GGT1: variants seen among roughly 807,000 people sequenced by gnomAD.
GGT1 encodes the protein glutathione hydrolase 1 proenzyme.
Under a neutral mutation model 56.0 loss-of-function variants are expected in GGT1, and 21 were observed. The observed-to-expected ratio is 0.38, with a 90% CI of 0.27 to 0.54. The LOEUF is 0.54. GGT1 is among the 20% of genes least tolerant of loss of function. The pLI is 0.82. For synonymous variants in GGT1, 238 were observed against 342.6 expected, an observed-to-expected ratio of 0.69 and a Z score of 3.37; for missense variants, 466 against 787.0, an observed-to-expected ratio of 0.59 and a Z score of 4.88.
chr22:24,625,368 G>A (rs2047682954), intron 11 of GGT1, among the ~76,000 whole-genome samples: 1 of 152,072 alleles, frequency 6.6e-6, no homozygotes, highest in South Asian at 2.1e-4. Flanking sequence ...CAACCTCCAG[G>A]GCTCAAGCAA....
At chr22:24,587,683 G>A in the GGT1 span, among the ~76,000 whole-genome samples, 1 of 152,206 alleles carries the variant, frequency 6.6e-6, no homozygotes, top group Non-Finnish European at 1.5e-5. Context: ...CCATGGCAGA[G>A]GGAGCTATTG....
intron 11 of GGT1, chr22:24,624,530 C>T (rs1425635619): frequency 2.1e-6 from 2 of 961,106 alleles, no homozygotes; most frequent in African/African-American, 3.7e-5. Flanking sequence ...CAGGTGGTGT[C>T]TTCTCTTTCC....
intron 1 of GGT1, among the ~76,000 whole-genome samples, chr22:24,607,158 T>C (rs900818004): frequency 6.6e-6 from 1 of 152,230 alleles, no homozygotes; most frequent in African/African-American, 2.4e-5. Flanking sequence ...TCTGGGCTGT[T>C]CGGGTGGTTC....
At chr22:24,605,362 ATTATATATTATATAATAT>A (rs1234845824) in intron 1 of GGT1, among the ~76,000 whole-genome samples, 1 of 55,166 alleles carries the variant, frequency 1.8e-5, no homozygotes, top group African/African-American at 9.4e-5. Flanking sequence ...TATAATATGT[ATTATATATTATATAATAT>A]TATAATATGT....
Position 24,614,847 on chromosome 22 carries a change from A to G in GGT1, c.236A>G (p.Asn79Ser). The change falls in exon 6 of 16, where the codon AAT (asparagine) becomes AGT (serine). Residue 79 changes from asparagine (N) to serine (S), a missense_variant. Physicochemically the swap from Asn to Ser is conservative, Grantham distance 46 (BLOSUM62 1). This residue lies in a region of GGT1 where 456 missense variants were observed against 716.7 expected (regional missense o/e 0.64). Coordinates refer to ENST00000400382, the MANE Select transcript of GGT1 (RefSeq NM_001288833.2). ...IAALLCVGLM[N>S]AHSMGIGGGL... is the part of the protein sequence containing the mutation. Reference sequence around the variant, plus strand: ...GCCCTGTTGTGTGTGGGGCTCATGAATGCCCACAGCATGGGCATCGGGGGT... The same window carrying G: ...GCCCTGTTGTGTGTGGGGCTCATGAGTGCCCACAGCATGGGCATCGGGGGT... The G allele has an allele frequency of 6.2e-7, 1 of 1,613,236 alleles. No homozygotes were observed. Among genetic ancestry groups the G allele is most frequent in the South Asian group, 1.1e-5 (1 of 91,054 alleles).
upstream of GGT1, among the ~76,000 whole-genome samples, chr22:24,594,582 C>T (rs960258983): frequency 5.4e-4 from 82 of 152,050 alleles, no homozygotes; most frequent in Non-Finnish European, 1.0e-3. Flanking sequence ...TGTCTTAGCC[C>T]CTTGACCATC....
At chr22:24,626,055 G>T (rs904776318) in intron 11 of GGT1, among the ~76,000 whole-genome samples, 2 of 121,854 alleles carry the variant, frequency 1.6e-5, no homozygotes, top group Non-Finnish European at 3.3e-5. Flanking sequence ...TGCAGTGGCG[G>T]GATCTCCGCT....
upstream of GGT1, among the ~76,000 whole-genome samples, chr22:24,594,584 T>C (rs2045659952): frequency 6.6e-6 from 1 of 152,070 alleles, no homozygotes; most frequent in Non-Finnish European, 1.5e-5. Flanking sequence ...TCTTAGCCCC[T>C]TGACCATCCA....
chr22:24,586,351 G>A, the GGT1 span: 1 of 1,613,906 alleles, frequency 6.2e-7, no homozygotes, highest in Middle Eastern at 1.6e-4. Flanking sequence ...TCGACAGCGG[G>A]ATGCCTGAGA....
chr22:24,609,708 C>T (rs2046544054), intron 2 of GGT1: 1 of 294,272 alleles, frequency 3.4e-6, no homozygotes. Flanking sequence ...GGAACCCCAA[C>T]CTCTGTCACC....
rs1409844254 is a variant in GGT1, at chr22:24,611,191, T to G, written c.110T>G (p.Val37Gly). The G allele has an allele frequency of 2.5e-6, 4 of 1,589,680 alleles. No individual in the cohort carries two copies. Among genetic ancestry groups the G allele is most frequent in the Non-Finnish European group, 3.4e-6 (4 of 1,168,536 alleles). ...PSASKEPDNH[V>G]YTRAAVAADA... ...GCCTCCAAGGAACCTGACAACCATGTGTACACCAGGGCTGCCGTGGCCGCG... is the reference window on the plus strand; with the variant it reads ...GCCTCCAAGGAACCTGACAACCATGGGTACACCAGGGCTGCCGTGGCCGCG... The change falls in exon 5 of 16, where the codon GTG (valine) becomes GGG (glycine). Residue 37 changes from valine (V) to glycine (G), a missense_variant. Val to Gly is a moderately radical substitution (Grantham distance 109). Transcript: ENST00000400382.
At chr22:24,605,085 A>G (rs1376947968) in intron 1 of GGT1, among the ~76,000 whole-genome samples, 1 of 17,816 alleles carries the variant, frequency 5.6e-5, no homozygotes, top group Non-Finnish European at 8.5e-5. Flanking sequence ...TATATAAAGT[A>G]TATTATATAA....
intron 11 of GGT1, chr22:24,627,110 C>T (rs2047837272): frequency 4.6e-6 from 3 of 647,676 alleles, no homozygotes; most frequent in African/African-American, 3.8e-5. Flanking sequence ...GTGTCTGTTC[C>T]CTGTTGATTC....
intron 7 of GGT1, among the ~76,000 whole-genome samples, chr22:24,616,852 C>A (rs1247727977): frequency 1.3e-5 from 2 of 151,622 alleles, no homozygotes; most frequent in Non-Finnish European, 2.9e-5. Context: ...ATCAATCTTT[C>A]ATTTTTTTTT....
In GGT1 at chr22:24,608,002, C is replaced by G. The variant is rs2046430112; in HGVS notation, c.-380C>G. The G allele has an allele frequency of 6.4e-6, 3 of 468,930 alleles. No individual in the cohort carries two copies. The highest frequency in any genetic ancestry group is 1.3e-5 in the Non-Finnish European group (3 of 226,766). The allele number at this position is 468,930 out of a possible 1,614,324, so 29.0% of individuals were successfully genotyped here. Reference sequence around the variant, plus strand: ...CTGAGGAAGAGGTGCTCTCCTGGGCCCCCACTGTCCCCAGGCCTCAGGTAA... The same window carrying G: ...CTGAGGAAGAGGTGCTCTCCTGGGCGCCCACTGTCCCCAGGCCTCAGGTAA... On this transcript the variant is annotated 5_prime_UTR_variant, in exon 2 of 16. Transcript: ENST00000400382.
At chr22:24,624,733 T>C (rs2047645327) in intron 11 of GGT1, 2 of 955,296 alleles carry the variant, frequency 2.1e-6, no homozygotes, top group Non-Finnish European at 2.5e-6. Context: ...TACTTCTTTA[T>C]CACGGCTTAT....
Position 24,597,607 on chromosome 22 carries a change from G to A in GGT1, c.-324+2721G>A, listed in dbSNP as rs184898430. 2.0e-3 allele frequency among the ~76,000 whole-genome samples: 309 copies of A among 152,216 alleles called. 1 individual carries two copies. The highest frequency in any genetic ancestry group is 5.6e-3 in the Admixed American group (86 of 15,292). On this transcript the variant is annotated intron_variant, in intron 1 of 6. Coordinates refer to the GGT1 transcript ENST00000411974. Reference sequence around the variant, plus strand: ...GAGGCAGGAGAATCGCTTGAACCTAGGAGGCGGAGGTTTCAGTGAGCCGAG... The same window carrying A: ...GAGGCAGGAGAATCGCTTGAACCTAAGAGGCGGAGGTTTCAGTGAGCCGAG...
intron 9 of GGT1, among the ~76,000 whole-genome samples, chr22:24,622,480 C>T (rs1402387400): frequency 5.9e-5 from 9 of 152,070 alleles, no homozygotes; most frequent in Non-Finnish European, 1.0e-4. Context: ...AGGAGAATGG[C>T]GTGAACCTGG....
At chr22:24,591,402 T>G (rs561016730), upstream of GGT1, among the ~76,000 whole-genome samples, 1 of 152,250 alleles carries the variant, frequency 6.6e-6, no homozygotes, top group East Asian at 1.9e-4. Flanking sequence ...TAGAGGACAT[T>G]TTGAGAGCTG....
Sources: gnomAD v4.1 joint callset for allele counts (sites outside exome capture counted in the v4.1 genomes callset) on GRCh38, gnomAD v4.1.1 for gene constraint, gnomAD v4.1.1 regional missense constraint, MANE v1.5 for transcripts, NCBI Gene and HGNC (gene_info 2026-07-23, HGNC 2026-07-21) for gene names.